RARB: variants seen among roughly 807,000 people sequenced by gnomAD.
The protein encoded by RARB is HBV-activated protein.
RARB carries 17 observed loss-of-function variants against 51.9 expected under a neutral mutation model. The observed-to-expected ratio is 0.33, with a 90% CI of 0.22 to 0.49. RARB has a LOEUF of 0.49. Ranked by LOEUF, RARB falls within the 20% of genes least tolerant of loss-of-function variation. RARB has a pLI of 0.99. For synonymous variants in RARB, 215 were observed against 195.4 expected (o/e 1.10, Z -0.84); for missense variants, 369 against 550.8 (o/e 0.67, Z 3.30).
intron 5 of RARB, among the ~76,000 whole-genome samples, chr3:25,418,777 A>G (rs1305495939): frequency 1.3e-5 from 2 of 152,134 alleles, no homozygotes; most frequent in Non-Finnish European, 2.9e-5. Flanking sequence ...AGAAAACATC[A>G]AGCATAAGGA....
chr3:24,906,621 T>C (rs1694869364), intron 2 of RARB, among the ~76,000 whole-genome samples: 2 of 151,944 alleles, frequency 1.3e-5, no homozygotes, highest in African/African-American at 4.8e-5. Context: ...GGCGGGCAGA[T>C]CACCTGAGGT....
intron 1 of RARB, among the ~76,000 whole-genome samples, chr3:24,852,547 G>T (rs909741574): frequency 6.6e-6 from 1 of 152,136 alleles, no homozygotes; most frequent in East Asian, 1.9e-4. Flanking sequence ...CCACATAAAG[G>T]CTTGTACATA....
intron 1 of RARB, among the ~76,000 whole-genome samples, chr3:24,849,501 TACA>T (rs1702528293): frequency 6.6e-6 from 1 of 152,252 alleles, no homozygotes; most frequent in African/African-American, 2.4e-5. Context: ...AGCCTCTGGT[TACA>T]ACATTTCCAT....
intron 2 of RARB, among the ~76,000 whole-genome samples, chr3:25,042,900 C>T (rs1698142551): frequency 6.6e-6 from 1 of 152,328 alleles, no homozygotes; most frequent in African/African-American, 2.4e-5. Context: ...CTACTCTCTC[C>T]TTTTATAATT....
At chr3:25,150,842 C>G (rs185529108) in intron 4 of RARB, among the ~76,000 whole-genome samples, 1 of 152,186 alleles carries the variant, frequency 6.6e-6, no homozygotes, top group South Asian at 2.1e-4. Flanking sequence ...TGTTGGCTCT[C>G]TTTAGGAAAA....
chr3:25,056,043 A>G (rs1325606401), intron 2 of RARB, among the ~76,000 whole-genome samples: 3 of 152,090 alleles, frequency 2.0e-5, no homozygotes, highest in African/African-American at 7.2e-5. Context: ...AGAACTCCCT[A>G]TTACCCTGCC....
chr3:25,160,647 G>A (rs1355564107), intron 4 of RARB, among the ~76,000 whole-genome samples: 2 of 152,170 alleles, frequency 1.3e-5, no homozygotes, highest in Admixed American at 1.3e-4. Context: ...GATGTATTAG[G>A]TTTTTATTGT....
chr3:25,467,150 A>G (rs528350359), intron 2 of RARB, among the ~76,000 whole-genome samples: 2 of 152,252 alleles, frequency 1.3e-5, no homozygotes, highest in Admixed American at 6.5e-5. Context: ...CAGAGAAATT[A>G]GAAGTATCCA....
chr3:25,033,132 A>G (rs1697909864), intron 2 of RARB, among the ~76,000 whole-genome samples: 2 of 152,220 alleles, frequency 1.3e-5, no homozygotes, highest in Middle Eastern at 3.2e-3. Flanking sequence ...GAGAGACAAT[A>G]TGATGTAGAT....
intron 2 of RARB, among the ~76,000 whole-genome samples, chr3:25,012,262 T>C (rs1302991485): frequency 1.3e-5 from 2 of 152,072 alleles, no homozygotes; most frequent in African/African-American, 4.8e-5. Flanking sequence ...TACTAATACG[T>C]AGGAAAGCTT....
chr3:25,112,137 A>G (rs1699612707), intron 3 of RARB, among the ~76,000 whole-genome samples: 1 of 152,184 alleles, frequency 6.6e-6, no homozygotes, highest in Admixed American at 6.5e-5. Flanking sequence ...AGAAGTTAAG[A>G]ATTATTGGGA....
At chr3:25,525,616 T>C (rs991205408) in intron 3 of RARB, among the ~76,000 whole-genome samples, 3 of 152,186 alleles carry the variant, frequency 2.0e-5, no homozygotes, top group Non-Finnish European at 4.4e-5. Context: ...GACTAAAGGG[T>C]TCCTGATGTC....
chr3:25,175,308 C>A (rs909342780), intron 5 of RARB, among the ~76,000 whole-genome samples: 6 of 152,162 alleles, frequency 3.9e-5, no homozygotes, highest in African/African-American at 1.4e-4. Flanking sequence ...TAACAACTTA[C>A]TTGGTTTAGC....
intron 5 of RARB, among the ~76,000 whole-genome samples, chr3:25,186,468 A>C (rs1291469740): frequency 1.3e-5 from 2 of 152,158 alleles, no homozygotes; most frequent in East Asian, 3.9e-4. Context: ...GAACCTCTTT[A>C]ATATGAATTT....
At chr3:25,355,760 A>G (rs183945657) in intron 5 of RARB, among the ~76,000 whole-genome samples, 1 of 152,266 alleles carries the variant, frequency 6.6e-6, no homozygotes, top group East Asian at 1.9e-4. Flanking sequence ...TAGCTAAAAT[A>G]GTTTTAATGT....
At chr3:24,903,493 C>A (rs1221116424) in intron 2 of RARB, among the ~76,000 whole-genome samples, 2 of 152,034 alleles carry the variant, frequency 1.3e-5, no homozygotes, top group South Asian at 2.1e-4. Context: ...TCAATATAAT[C>A]ATAAATATAT....
intron 2 of RARB, among the ~76,000 whole-genome samples, chr3:24,861,634 A>G (rs914486973): frequency 1.3e-5 from 2 of 151,644 alleles, no homozygotes; most frequent in Non-Finnish European, 2.9e-5. Flanking sequence ...GAAGCAAAAA[A>G]GTTAATGAGA....
At chr3:25,333,903 T>G (rs1017984583) in intron 5 of RARB, among the ~76,000 whole-genome samples, 1 of 152,192 alleles carries the variant, frequency 6.6e-6, no homozygotes, top group Admixed American at 6.5e-5. Flanking sequence ...AAGACATTTA[T>G]GCAGCCAACA....
At chr3:24,959,891 A>G (rs755037045) in intron 2 of RARB, among the ~76,000 whole-genome samples, 2 of 152,238 alleles carry the variant, frequency 1.3e-5, no homozygotes, top group Non-Finnish European at 1.5e-5. Flanking sequence ...TGACATTATT[A>G]TCTTTACATT....
Sources: allele counts gnomAD v4.1 joint callset (sites outside exome capture counted in the v4.1 genomes callset), GRCh38; gene constraint gnomAD v4.1.1; transcripts MANE v1.5; gene names NCBI Gene and HGNC (gene_info 2026-07-23, HGNC 2026-07-21).